The following EMC1 variants were observed in gnomAD, a reference collection of about 807,000 sequenced individuals.
EMC1 encodes KIAA0090.
In EMC1, 103 loss-of-function variants were observed where a neutral mutation model predicts 128.8. The ratio of observed to expected loss-of-function variants is 0.80; its 90% CI spans 0.68 to 0.94. The LOEUF (loss-of-function observed/expected upper bound fraction) is 0.94. EMC1 is among the 40% of genes least tolerant of loss of function. The pLI is 0.00. For synonymous variants in EMC1, 442 were observed against 490.4 expected (o/e 0.90, Z 1.30); for missense variants, 1,083 against 1,250.6 (o/e 0.87, Z 2.02).
intron 15 of EMC1, among the ~76,000 whole-genome samples, chr1:19,232,217 G>A (rs1255756484): frequency 2.0e-5 from 3 of 152,182 alleles, no homozygotes; most frequent in African/African-American, 4.8e-5. Context: ...AGCCGAGATC[G>A]CACCAGGCAG....
chr1:19,222,806 C>A lies in EMC1; in HGVS notation c.2405G>T (p.Arg802Leu). The change falls in exon 20 of 23, where the codon CGC becomes CTC. Residue 802 changes from arginine (R) to leucine (L), a missense_variant. Physicochemically the swap from Arg to Leu is moderately radical, Grantham distance 102 (BLOSUM62 -2). Transcript: ENST00000477853. ...GAGCTCCAGTACGGTAAACTCGTTG[C>A]GCCGAGCCTTGGTGTTCCAGTACTG... ...VYQYWNTKAR[R>L]NEFTVLELYE... 6.2e-7 allele frequency: 1 copy of A among 1,612,412 alleles called. No individual in the cohort carries two copies. Among genetic ancestry groups the A allele is most frequent in the Non-Finnish European group, 8.5e-7 (1 of 1,178,876 alleles).
At position 19,222,672 on chromosome 1, in the gene EMC1, T is replaced by C. The variant is rs1359033199; in HGVS notation, c.2539A>G (p.Met847Val). 2.5e-6 allele frequency: 4 copies of C among 1,614,006 alleles called. No homozygotes were observed. The highest frequency in any genetic ancestry group is 2.5e-6 in the Non-Finnish European group (3 of 1,180,026). ...SYIFPSSISA[M>V]EATITERGIT... ...CCCCGTTCGGTGATGGTGGCCTCCA[T>C]GGCACTGATGGAGGACGGGAAGATA... The change falls in exon 20 of 23, where the codon ATG becomes GTG. Residue 847 changes from methionine to valine, a missense_variant. Around this residue, in one of 3 missense-constraint regions of EMC1, gnomAD observed 527 missense variants for 644.1 expected, o/e 0.82. Coordinates refer to ENST00000477853, the MANE Select transcript of EMC1 (RefSeq NM_015047.3).
At chr1:19,249,805 G>C (rs983052526) in intron 1 of EMC1, among the ~76,000 whole-genome samples, 1 of 152,096 alleles carries the variant, frequency 6.6e-6, no homozygotes, top group African/African-American at 2.4e-5. Flanking sequence ...AGTAGTCCCA[G>C]CTACTCAGGA....
chr1:19,234,999 G>C (rs1227007859), intron 13 of EMC1, 131 bp downstream of exon 13: 1 of 1,010,802 alleles, frequency 9.9e-7, no homozygotes, highest in Admixed American at 2.6e-5. Flanking sequence ...CCTCATCACA[G>C]AGCTCATTCA....
intron 16 of EMC1, 125 bp downstream of exon 16, chr1:19,231,136 A>G: frequency 7.5e-7 from 1 of 1,332,318 alleles, no homozygotes; most frequent in Non-Finnish European, 1.0e-6. Context: ...TCTCTTCGGG[A>G]TGGCCTTAGA....
rs546411579 is a variant in EMC1, at chr1:19,243,765, G to A, written c.287-58C>T. On this transcript the variant is annotated intron_variant, in intron 3 of 22. Transcript: ENST00000477853. Reference sequence around the variant, plus strand: ...CCCACTTGCTCTGTCGCTTCCTAGGGTCCCACTGTGAGCAGTGGCCTCACC... The same window carrying A: ...CCCACTTGCTCTGTCGCTTCCTAGGATCCCACTGTGAGCAGTGGCCTCACC... 26 of 1,568,392 alleles carry A rather than the reference G, an allele frequency of 1.7e-5. No individual in the cohort carries two copies. The East Asian group carries it at 5.2e-4, about 31-fold the overall frequency.
At chr1:19,237,971 G>A (rs1405496856) in intron 11 of EMC1, 46 bp downstream of exon 11, 1 of 1,601,466 alleles carries the variant, frequency 6.2e-7, no homozygotes, top group Admixed American at 1.7e-5. Context: ...GAAGCCATGT[G>A]CTGAGAAGCC....
At chr1:19,237,861 T>C (rs1311379729) in intron 11 of EMC1, among the ~76,000 whole-genome samples, 156 bp downstream of exon 11, 4 of 152,358 alleles carry the variant, frequency 2.6e-5, no homozygotes, top group Admixed American at 6.5e-5. Context: ...TACCCGCCTT[T>C]ACTGTGACTT....
chr1:19,219,543 A>ATT (rs1345299939), intron 22 of EMC1, 26 bp downstream of exon 22: 2 of 1,613,900 alleles, frequency 1.2e-6, no homozygotes, highest in Admixed American at 1.7e-5. Flanking sequence ...CAAGGGTGAA[A>ATT]TAGGGCAGCT....
chr1:19,230,470 T>G lies in EMC1; in HGVS notation c.2064+374A>C, dbSNP rs7552991. On this transcript the variant is annotated intron_variant, in intron 17 of 22. Transcript: ENST00000477853. ...CTGTAATCCCAGCTACTTGGGTGTCTGAGGCAGGAGAATCGCTTGAACCAA... is the reference window on the plus strand; with the variant it reads ...CTGTAATCCCAGCTACTTGGGTGTCGGAGGCAGGAGAATCGCTTGAACCAA... 8.9e-3 allele frequency among the ~76,000 whole-genome samples: 1,355 copies of G among 152,168 alleles called. 19 individuals are homozygous for G. The highest frequency in any genetic ancestry group is 0.031 in the African/African-American group (1,280 of 41,492).
intron 12 of EMC1, among the ~76,000 whole-genome samples, chr1:19,235,626 G>A (rs921441554): frequency 1.3e-5 from 2 of 152,160 alleles, no homozygotes; most frequent in East Asian, 3.9e-4. Flanking sequence ...GCGTGAACCC[G>A]GGAGGTGGAG....
rs771357823 is a variant in EMC1 at position 19,222,688 on chromosome 1, C to T, written c.2523G>A (p.Pro841=). Residue 841 remains proline (P), a synonymous_variant, in exon 20 of 23, where the codon CCG becomes CCA. Coordinates refer to ENST00000477853, the MANE Select transcript of EMC1 (RefSeq NM_015047.3). ...PQVLQQSYIF[P]SSISAMEATI... ...TGGCCTCCATGGCACTGATGGAGGA[C>T]GGGAAGATATAGGACTGCTGGAGGA... 11 of 1,614,022 alleles carry T rather than the reference C, an allele frequency of 6.8e-6. No individual in the cohort carries two copies. The highest frequency in any genetic ancestry group is 2.2e-5 in the East Asian group (1 of 44,874).
Position 19,219,274 on chromosome 1 carries a change from T to C in EMC1, c.*29A>G. ...CTTATCTGACCCACACTCCCCTGGC[T>C]CTCCACTTTTAGGCACAGTCTTTGT... is the stretch of plus-strand genomic sequence containing the variant. On this transcript the variant is annotated 3_prime_UTR_variant, in exon 23 of 23. Coordinates refer to ENST00000477853, the MANE Select transcript of EMC1 (RefSeq NM_015047.3). The C allele has an allele frequency of 6.2e-7, 1 of 1,612,748 alleles. No individual in the cohort carries two copies. Among genetic ancestry groups the C allele is most frequent in the Non-Finnish European group, 8.5e-7 (1 of 1,179,172 alleles).
At chr1:19,247,600 A>G (rs2093637330) in intron 1 of EMC1, among the ~76,000 whole-genome samples, 1 of 152,254 alleles carries the variant, frequency 6.6e-6, no homozygotes, top group Admixed American at 6.5e-5. Flanking sequence ...AATAATGTAT[A>G]CTACATAATA....
chr1:19,238,674 G>T (rs2093584332), intron 10 of EMC1, 121 bp downstream of exon 10: 3 of 698,112 alleles, frequency 4.3e-6, no homozygotes, highest in African/African-American at 3.6e-5. Context: ...ACAGTACTTA[G>T]GAAACCTCAT....
chr1:19,225,080 T>A (rs1218924525), intron 18 of EMC1, among the ~76,000 whole-genome samples: 1 of 152,218 alleles, frequency 6.6e-6, no homozygotes, highest in Non-Finnish European at 1.5e-5. Context: ...TAATATACTA[T>A]CTAATTTACC....
rs919620943 is a variant in EMC1, at chr1:19,216,309, C to G, written c.*2994G>C. On this transcript the variant is annotated 3_prime_UTR_variant, in exon 23 of 23. Transcript: ENST00000477853. ...AAATTGAAAGATGCCTTACGGAGCACATAACATGTACCCACACACAAATAA... is the reference window on the plus strand; with the variant it reads ...AAATTGAAAGATGCCTTACGGAGCAGATAACATGTACCCACACACAAATAA... 2 of 151,832 alleles carry G rather than the reference C, an allele frequency of 1.3e-5. No homozygotes were observed. Among genetic ancestry groups the G allele is most frequent in the African/African-American group, 4.8e-5 (2 of 41,344 alleles). The allele number at this position is 151,832 out of a possible 1,614,324, so 9.4% of individuals were successfully genotyped here.
chr1:19,250,836 G>C (rs79552082), intron 1 of EMC1, among the ~76,000 whole-genome samples: 4,252 of 152,204 alleles, frequency 0.028, 75 homozygotes, highest in South Asian at 0.053. Context: ...TCAAACAAAA[G>C]CAAGCTACTC....
chr1:19,242,300 G>A, intron 5 of EMC1, 45 bp downstream of exon 5: 1 of 1,611,326 alleles, frequency 6.2e-7, no homozygotes, highest in Non-Finnish European at 8.5e-7. Flanking sequence ...GGAGCTCCTA[G>A]AGAGTAGAAC....
Sources: gnomAD v4.1 joint callset for allele counts (sites outside exome capture counted in the v4.1 genomes callset) on GRCh38, gnomAD v4.1.1 for gene constraint, gnomAD v4.1.1 regional missense constraint, MANE v1.5 for transcripts, NCBI Gene and HGNC (gene_info 2026-07-23, HGNC 2026-07-21) for gene names.